TENM2: variants seen among roughly 807,000 people sequenced by gnomAD.
TENM2 encodes the protein teneurin-2.
A neutral mutation model predicts 245.2 loss-of-function variants in TENM2; 52 were observed. The ratio of observed to expected loss-of-function variants is 0.21; its 90% CI spans 0.17 to 0.27. TENM2 has a LOEUF of 0.27. Ranked by LOEUF, TENM2 falls within the 10% of genes least tolerant of loss-of-function variation. TENM2 has a pLI of 1.00. For missense variants in TENM2, 3,046 were observed against 3,666.8 expected (o/e 0.83, Z 4.37); for synonymous variants, 1,363 against 1,438.9 (o/e 0.95, Z 1.19).
At chr5:167,612,137 G>A (rs536155756) in intron 2 of TENM2, among the ~76,000 whole-genome samples, 6 of 152,132 alleles carry the variant, frequency 3.9e-5, no homozygotes, top group East Asian at 1.9e-4. Context: ...GATTCGAATC[G>A]GAGTTCCAGT....
intron 3 of TENM2, among the ~76,000 whole-genome samples, chr5:167,935,190 C>G (rs572568348): frequency 6.6e-6 from 1 of 152,140 alleles, no homozygotes; most frequent in East Asian, 1.9e-4. Context: ...AATTATCTGT[C>G]AGTGCCGATG....
Position 168,232,692 on chromosome 5 carries a change from T to G in TENM2, c.5520+4562T>G, listed in dbSNP as rs1396279101. Reference sequence around the variant, plus strand: ...AAGACCAACAATCTCAGTGAAGCCATCACAATAGAACAGTGCCCAGTGAAA... The same window carrying G: ...AAGACCAACAATCTCAGTGAAGCCAGCACAATAGAACAGTGCCCAGTGAAA... On this transcript the variant is annotated intron_variant, in intron 25 of 28. Transcript: ENST00000518659. Among the ~76,000 whole-genome samples the G allele has an allele frequency of 4.6e-5, 7 of 152,256 alleles. No individual in the cohort carries two copies. In the East Asian group the frequency reaches 9.7e-4, roughly 21 times the overall value.
chr5:167,090,973 G>A, the TENM2 span, among the ~76,000 whole-genome samples: 1 of 152,172 alleles, frequency 6.6e-6, no homozygotes, highest in Non-Finnish European at 1.5e-5. Context: ...TGCTTTCCCA[G>A]CAGCCAAGGA....
chr5:168,223,890 C>A (rs1309769885), intron 23 of TENM2, among the ~76,000 whole-genome samples: 1 of 151,174 alleles, frequency 6.6e-6, no homozygotes, highest in Admixed American at 6.6e-5. Flanking sequence ...AATTTCTGCT[C>A]CATATAGATA....
At chr5:167,694,950 A>C (rs987027896) in intron 2 of TENM2, among the ~76,000 whole-genome samples, 2 of 152,240 alleles carry the variant, frequency 1.3e-5, no homozygotes, top group African/African-American at 4.8e-5. Context: ...ATTCCAGTTG[A>C]GCTGCACATA....
intron 12 of TENM2, among the ~76,000 whole-genome samples, chr5:168,158,507 G>A (rs949761818): frequency 4.0e-5 from 6 of 151,806 alleles, no homozygotes; most frequent in Non-Finnish European, 7.4e-5. Flanking sequence ...TTATGTCTAG[G>A]GCTAGGTTTC....
At chr5:167,136,954 C>T in the TENM2 span, among the ~76,000 whole-genome samples, 2 of 152,340 alleles carry the variant, frequency 1.3e-5, no homozygotes, top group East Asian at 1.9e-4. Flanking sequence ...TTATTTCTCA[C>T]AGTTCTAGAG....
intron 3 of TENM2, among the ~76,000 whole-genome samples, chr5:167,930,695 C>A (rs1343216624): frequency 1.3e-5 from 2 of 151,820 alleles, no homozygotes; most frequent in Admixed American, 1.3e-4. Context: ...ATTGCCCAGG[C>A]TGGTAGAATT....
At chr5:168,228,169 G>T in intron 25 of TENM2, 39 bp downstream of exon 27, 1 of 1,507,306 alleles carries the variant, frequency 6.6e-7, no homozygotes, top group Non-Finnish European at 9.2e-7. Flanking sequence ...CAGAGTGGGA[G>T]GGGATATACA....
At chr5:167,288,545 C>A (rs563485007) in intron 1 of TENM2, among the ~76,000 whole-genome samples, 1 of 138,116 alleles carries the variant, frequency 7.2e-6, no homozygotes, top group Non-Finnish European at 1.5e-5. Flanking sequence ...GGCGACAGAG[C>A]GAGACTCCGT....
At chr5:167,189,665 C>T in the TENM2 span, among the ~76,000 whole-genome samples, 8 of 151,750 alleles carry the variant, frequency 5.3e-5, no homozygotes, top group African/African-American at 1.5e-4. Context: ...AACTTCTGAG[C>T]TTAGGTTATC....
the TENM2 span, among the ~76,000 whole-genome samples, chr5:167,102,571 G>A: frequency 6.6e-6 from 1 of 152,200 alleles, no homozygotes; most frequent in Non-Finnish European, 1.5e-5. Context: ...GGGCTAAATA[G>A]GTGCAGTCTA....
At chr5:167,965,019 A>G (rs942041719) in intron 4 of TENM2, among the ~76,000 whole-genome samples, 1 of 152,224 alleles carries the variant, frequency 6.6e-6, no homozygotes, top group Non-Finnish European at 1.5e-5. Flanking sequence ...CTAAAGGTCC[A>G]GTTTGGAAAA....
intron 2 of TENM2, among the ~76,000 whole-genome samples, chr5:167,511,547 C>T (rs1769956433): frequency 6.6e-6 from 1 of 152,164 alleles, no homozygotes; most frequent in Non-Finnish European, 1.5e-5. Context: ...ATCTTAAGGG[C>T]CCTGCAATTA....
chr5:167,649,410 G>T (rs974474333), intron 2 of TENM2, among the ~76,000 whole-genome samples: 1 of 152,106 alleles, frequency 6.6e-6, no homozygotes, highest in African/African-American at 2.4e-5. Context: ...CTGACACCTT[G>T]CCTAGTAATG....
chr5:167,113,428 C>G, the TENM2 span, among the ~76,000 whole-genome samples: 2 of 151,854 alleles, frequency 1.3e-5, no homozygotes, highest in Non-Finnish European at 2.9e-5. Flanking sequence ...ATCACTTGAG[C>G]CTAGGAATTG....
At chr5:168,119,761 A>G (rs950447229) in intron 10 of TENM2, among the ~76,000 whole-genome samples, 1 of 152,164 alleles carries the variant, frequency 6.6e-6, no homozygotes, top group African/African-American at 2.4e-5. Flanking sequence ...CATGTCCCCA[A>G]CAGAAATAGA....
intron 12 of TENM2, among the ~76,000 whole-genome samples, chr5:168,148,452 CT>C (rs1166069620): frequency 1.3e-5 from 2 of 152,200 alleles, no homozygotes; most frequent in African/African-American, 4.8e-5. Context: ...ATCAGAACTA[CT>C]GCAAAATTTG....
intron 2 of TENM2, among the ~76,000 whole-genome samples, chr5:167,663,074 G>T (rs183092645): frequency 6.6e-6 from 1 of 151,294 alleles, no homozygotes; most frequent in Non-Finnish European, 1.5e-5. Flanking sequence ...AGTCTCCTAG[G>T]TGGCTTAAAA....
Sources: gnomAD v4.1 joint callset for allele counts (sites outside exome capture counted in the v4.1 genomes callset) on GRCh38, gnomAD v4.1.1 for gene constraint, MANE v1.5 for transcripts, NCBI Gene and HGNC (gene_info 2026-07-23, HGNC 2026-07-21) for gene names.